The following PIK3R1 variants were observed in gnomAD, a reference collection of about 807,000 sequenced individuals.
PIK3R1 encodes phosphoinositide-3-kinase regulatory subunit 1, also known as phosphatidylinositol 3-kinase regulatory subunit alpha.
Under a neutral mutation model 98.0 loss-of-function variants are expected in PIK3R1, and 29 were observed. That is an observed-to-expected ratio of 0.30 (90% CI 0.22 to 0.40). PIK3R1 has a LOEUF of 0.40. Ranked by LOEUF, PIK3R1 falls within the 10% of genes least tolerant of loss-of-function variation. The pLI is 1.00. For synonymous variants in PIK3R1, 282 were observed against 311.8 expected, an observed-to-expected ratio of 0.90 and a Z score of 1.01; for missense variants, 596 against 872.7, an observed-to-expected ratio of 0.68 and a Z score of 3.99.
At chr5:68,262,985 A>G (rs62652527) in intron 2 of PIK3R1, among the ~76,000 whole-genome samples, 3 of 7,446 alleles carry the variant, frequency 4.0e-4, no homozygotes, top group Non-Finnish European at 8.0e-4. Flanking sequence ...ACATGTAGAT[A>G]CATGTAGATA....
chr5:68,221,524 G>A (rs1744092311), intron 1 of PIK3R1, among the ~76,000 whole-genome samples: 1 of 152,148 alleles, frequency 6.6e-6, no homozygotes, highest in African/African-American at 2.4e-5. Context: ...AATTTCATTG[G>A]GAGATAGAAT....
In PIK3R1 at chr5:68,273,192, C is replaced by G. The variant is rs148035428; in HGVS notation, c.335-198C>G. On this transcript the variant is annotated intron_variant, in intron 2 of 15. Coordinates refer to ENST00000521381, the MANE Select transcript of PIK3R1 (RefSeq NM_181523.3). ...CATAAGAGGCCATTTAGCAGGAAAT[C>G]CTGGAGCATTACTCTGAGTAGACCC... Among the ~76,000 whole-genome samples, 1,585 of 152,240 alleles carry G rather than the reference C, an allele frequency of 0.01. 35 individuals carry two copies. The highest frequency in any genetic ancestry group is 0.036 in the African/African-American group (1,501 of 41,512).
intron 2 of PIK3R1, among the ~76,000 whole-genome samples, chr5:68,245,812 A>T (rs1745061848): frequency 6.6e-6 from 1 of 152,266 alleles, no homozygotes; most frequent in African/African-American, 2.4e-5. Context: ...GTTGAAAATT[A>T]TATGAAGCAG....
intron 1 of PIK3R1, among the ~76,000 whole-genome samples, chr5:68,225,719 C>T (rs1467886498): frequency 1.3e-5 from 2 of 152,194 alleles, no homozygotes; most frequent in Non-Finnish European, 1.5e-5. Context: ...AAGCCCTTTC[C>T]GTGTTCCACA....
At chr5:68,265,295 T>A (rs74925673) in intron 2 of PIK3R1, among the ~76,000 whole-genome samples, 2,156 of 152,340 alleles carry the variant, frequency 0.014, 58 homozygotes, top group African/African-American at 0.049. Flanking sequence ...TTACAGAATT[T>A]GTGTTTGACA....
At position 68,293,183 on chromosome 5, in the gene PIK3R1, T is replaced by C; in HGVS notation, c.1102T>C (p.Tyr368His). 6.2e-7 allele frequency: 1 copy of C among 1,613,590 alleles called. No individual in the cohort carries two copies. Among genetic ancestry groups the C allele is most frequent in the Non-Finnish European group, 8.5e-7 (1 of 1,179,538 alleles). ...TGCGTCTACTAAAATGCATGGTGAT[T>C]ATACTCTTACACTAAGGTAAGCCAG... ...RDASTKMHGD[Y>H]TLTLRKGGNN... Residue 368 changes from tyrosine (Y) to histidine (H), a missense_variant, in exon 9 of 16, where the codon TAT becomes CAT. By Grantham distance (83) the Tyr-to-His change is moderately conservative. Coordinates refer to ENST00000521381, the MANE Select transcript of PIK3R1 (RefSeq NM_181523.3).
At chr5:68,219,155 TTTA>T (rs556771266) in intron 1 of PIK3R1, among the ~76,000 whole-genome samples, 2 of 152,226 alleles carry the variant, frequency 1.3e-5, no homozygotes, top group Non-Finnish European at 2.9e-5. Context: ...GTGTTAGGTG[TTTA>T]TTTATTTGAA....
rs191601134 is a variant in PIK3R1, at chr5:68,279,989, T to C, written c.634+256T>C. 3.4e-3 allele frequency among the ~76,000 whole-genome samples: 516 copies of C among 152,292 alleles called. 7 individuals are homozygous for C. Among genetic ancestry groups the C allele is most frequent in the Non-Finnish European group, 5.0e-3 (338 of 68,026 alleles). On this transcript the variant is annotated intron_variant, in intron 5 of 15. Transcript: ENST00000521381. The stretch of plus-strand genomic sequence containing the variant: ...GTTAACCTATTGGTCTTAACAAAGT[T>C]TGTACGTCAATGAAGGACACGGTCT...
chr5:68,291,432 TTA>T (rs1415703340), intron 7 of PIK3R1: 1 of 151,104 alleles, frequency 6.6e-6, no homozygotes, highest in African/African-American at 2.4e-5. Context: ...GCTTTAAAAC[TTA>T]TGACAGAATT....
intron 2 of PIK3R1, among the ~76,000 whole-genome samples, chr5:68,228,280 A>G (rs529085194): frequency 1.2e-4 from 18 of 152,342 alleles, no homozygotes; most frequent in South Asian, 8.3e-4. Flanking sequence ...ACAGAATGCA[A>G]GGGTAAGAGC....
At chr5:68,243,981 G>A (rs1393525050) in intron 2 of PIK3R1, among the ~76,000 whole-genome samples, 3 of 152,172 alleles carry the variant, frequency 2.0e-5, no homozygotes, top group East Asian at 1.9e-4. Context: ...TTAAACAGCT[G>A]TAGTTTAAAT....
At chr5:68,251,481 G>A (rs1490997113) in intron 2 of PIK3R1, among the ~76,000 whole-genome samples, 1 of 151,328 alleles carries the variant, frequency 6.6e-6, no homozygotes, top group Non-Finnish European at 1.5e-5. Context: ...GTTTTTACTT[G>A]TTTGGCAGAA....
At chr5:68,286,130 C>T (rs1001766386) in intron 7 of PIK3R1, among the ~76,000 whole-genome samples, 1 of 152,126 alleles carries the variant, frequency 6.6e-6, no homozygotes, top group Non-Finnish European at 1.5e-5. Flanking sequence ...GATCAAGAGA[C>T]ATTTTCCTAA....
chr5:68,232,771 T>C (rs192236185), intron 2 of PIK3R1, among the ~76,000 whole-genome samples: 1 of 152,342 alleles, frequency 6.6e-6, no homozygotes, highest in Admixed American at 6.5e-5. Context: ...TCTTTCTGTG[T>C]TCTTTTTTCA....
At chr5:68,272,915 C>A (rs1398247595) in intron 2 of PIK3R1, among the ~76,000 whole-genome samples, 2 of 152,182 alleles carry the variant, frequency 1.3e-5, no homozygotes, top group Non-Finnish European at 2.9e-5. Flanking sequence ...TCAATAAAAT[C>A]TGTCCCATCC....
At chr5:68,231,007 G>A (rs147956245) in intron 2 of PIK3R1, among the ~76,000 whole-genome samples, 230 of 152,188 alleles carry the variant, frequency 1.5e-3, no homozygotes, top group African/African-American at 5.4e-3. Flanking sequence ...ATCCCATCCC[G>A]CTACACCAAC....
rs2112270008 is a variant in PIK3R1 at position 68,294,650 on chromosome 5, C to T, written c.1540C>T (p.Arg514Cys). The T allele has an allele frequency of 6.2e-7, 1 of 1,607,362 alleles. No homozygotes were observed. The highest frequency in any genetic ancestry group is 8.5e-7 in the Non-Finnish European group (1 of 1,177,484). The change falls in exon 12 of 16, where the codon CGT becomes TGT. Residue 514 changes from arginine to cysteine, a missense_variant. Around this residue, in one of 3 missense-constraint regions of PIK3R1, gnomAD observed 207 missense variants for 361.4 expected, o/e 0.57. Coordinates refer to ENST00000521381, the MANE Select transcript of PIK3R1 (RefSeq NM_181523.3). ...YSKEYIEKFKREGNEKEIQRI... is the reference protein window; with the variant it reads ...YSKEYIEKFKCEGNEKEIQRI... ...CAAAGAATACATAGAAAAGTTTAAA[C>T]GTGAAGGCAATGAGAAAGAAATACA... is the stretch of plus-strand genomic sequence containing the variant.
Position 68,301,384 on chromosome 5 carries a change from GTGTGTGTGTATATATATATA to G in PIK3R1, c.*3785_*3804del, listed in dbSNP as rs1420572932. On this transcript the variant is annotated 3_prime_UTR_variant, in exon 16 of 16. Coordinates refer to ENST00000521381, the MANE Select transcript of PIK3R1 (RefSeq NM_181523.3). ...TATATATATGTGTGTGTGTGTGTGT[GTGTGTGTGTATATATATATA>G]TATATATATATATATATATATATAT... The G allele has an allele frequency of 7.5e-3, 406 of 53,966 alleles. 2 individuals are homozygous for G. Among genetic ancestry groups the G allele is most frequent in the African/African-American group, 0.017 (239 of 14,004 alleles). The allele number at this position is 53,966 out of a possible 1,614,324, so 3.3% of individuals were successfully genotyped here.
chr5:68,244,512 ACCGCCCCC>A lies in PIK3R1; in HGVS notation c.334+17513_334+17520del, dbSNP rs1284504459. Among the ~76,000 whole-genome samples, 5 of 20,950 alleles carry A rather than the reference ACCGCCCCC, an allele frequency of 2.4e-4. 2 individuals are homozygous for A. Among genetic ancestry groups the A allele is most frequent in the East Asian group, 2.2e-3 (2 of 898 alleles). The allele number at this position is 20,950 out of a possible 152,430, so 13.7% of individuals were successfully genotyped here. Reference sequence around the variant, plus strand: ...TTTTAGGGCCGCCTATTTCTCTAGGACCGCCCCCCCGCCCCCCGCCGCCGCTTCAGAGA... The same window carrying A: ...TTTTAGGGCCGCCTATTTCTCTAGGACCGCCCCCCGCCGCCGCTTCAGAGA... On this transcript the variant is annotated intron_variant, in intron 2 of 15. Coordinates refer to ENST00000521381, the MANE Select transcript of PIK3R1 (RefSeq NM_181523.3).
Sources: allele counts gnomAD v4.1 joint callset (sites outside exome capture counted in the v4.1 genomes callset), GRCh38; gene constraint gnomAD v4.1.1; regional missense constraint gnomAD v4.1.1; transcripts MANE v1.5; gene names NCBI Gene and HGNC (gene_info 2026-07-23, HGNC 2026-07-21).